The following NACA variants were observed in gnomAD, a reference collection of about 807,000 sequenced individuals.
The protein encoded by NACA is nascent polypeptide associated complex subunit alpha.
Under a neutral mutation model 86.4 loss-of-function variants are expected in NACA, and 42 were observed. That is an observed-to-expected ratio of 0.49 (90% CI 0.38 to 0.63). The LOEUF (loss-of-function observed/expected upper bound fraction) is 0.63, where lower values mean the gene tolerates loss of function less well. NACA is among the 20% of genes least tolerant of loss of function. The pLI is 0.00. For missense variants in NACA, 2,157 were observed against 2,483.6 expected (o/e 0.87, Z 2.80); for synonymous variants, 898 against 973.7 (o/e 0.92, Z 1.45).
Position 56,713,478 on chromosome 12 carries a change from A to G in NACA, c.5970+59T>C, listed in dbSNP as rs989695796. ...AGAGAACTATCTGACGCAAAATGTC[A>G]GCAGTGCTGAGGTTGAGAAACCCTG... is the stretch of plus-strand genomic sequence containing the variant. On this transcript the variant is annotated intron_variant, in intron 6 of 8. Coordinates refer to ENST00000454682, the MANE Select transcript of NACA (RefSeq NM_001365896.1). 2.7e-5 allele frequency: 42 copies of G among 1,572,626 alleles called. No individual in the cohort carries two copies. In the Admixed American group the frequency reaches 3.6e-4, roughly 13 times the overall value.
chr12:56,724,481 T>C lies in NACA; in HGVS notation c.41A>G (p.Gln14Arg). ...EATETVPATE[Q>R]ELPQPQAETA... The stretch of plus-strand genomic sequence containing the variant: ...CTCAGCCTGGGGCTGCGGCAACTCC[T>C]GCTCTGTAGCAGGGACGGTTTCTGT... The change falls in exon 2 of 9, where the codon CAG (glutamine) becomes CGG (arginine). Residue 14 changes from glutamine (Q) to arginine (R), a missense_variant. Around this residue, in one of 8 missense-constraint regions of NACA, gnomAD observed 947 missense variants for 917.9 expected, o/e 1.03. Transcript: ENST00000454682. 1 of 1,612,868 alleles carries C rather than the reference T, an allele frequency of 6.2e-7. No homozygotes were observed. Among genetic ancestry groups the C allele is most frequent in the Non-Finnish European group, 8.5e-7 (1 of 1,179,532 alleles).
At position 56,719,228 on chromosome 12, in the gene NACA, T is replaced by C; in HGVS notation, c.2302A>G (p.Lys768Glu). Reference sequence around the variant, plus strand: ...CCAGAGTCCTCAGTTGGGCACTCTTTGGGAGAGGAAGCAACAGGTGCCAAT... The same window carrying C: ...CCAGAGTCCTCAGTTGGGCACTCTTCGGGAGAGGAAGCAACAGGTGCCAAT... ...SALAPVASSP[K>E]ECPTEDSGAS... Residue 768 changes from lysine to glutamate, a missense_variant, in exon 3 of 9, where the codon AAA becomes GAA. Around this residue, in one of 8 missense-constraint regions of NACA, gnomAD observed 947 missense variants for 917.9 expected, o/e 1.03. Transcript: ENST00000454682. 1 of 1,508,292 alleles carries C rather than the reference T, an allele frequency of 6.6e-7. No individual in the cohort carries two copies. The highest frequency in any genetic ancestry group is 1.1e-5 in the South Asian group (1 of 89,142). The allele number at this position is 1,508,292 out of a possible 1,614,324, so 93.4% of individuals were successfully genotyped here. A position where few individuals can be genotyped will look rare whatever the true frequency, so the allele number is the denominator to read the frequency against.
chr12:56,716,566 G>A lies in NACA; in HGVS notation c.4964C>T (p.Ala1655Val). ...SSLKDSPTSP[A>V]SVTCKMGATV... ...GGCCCCCATTTTACATGTGACAGAA[G>A]CTGGGGAAGTAGGGGAGTCTTTGAG... The change falls in exon 3 of 9, where the codon GCT becomes GTT. Residue 1655 changes from alanine (A) to valine (V), a missense_variant. Physicochemically the swap from Ala to Val is moderately conservative, Grantham distance 64. Coordinates refer to ENST00000454682, the MANE Select transcript of NACA (RefSeq NM_001365896.1). 1 of 1,459,900 alleles carries A rather than the reference G, an allele frequency of 6.8e-7. No homozygotes were observed. 90.4% of individuals were successfully genotyped at this position (1,459,900 alleles called of 1,614,324 possible).
chr12:56,716,760 G>GT lies in NACA; in HGVS notation c.4769dup (p.Tyr1590Ter). 1 of 1,376,692 alleles carries GT rather than the reference G, an allele frequency of 7.3e-7. No homozygotes were observed. Among genetic ancestry groups the GT allele is most frequent in the Non-Finnish European group, 9.6e-7 (1 of 1,042,852 alleles). 85.3% of individuals were successfully genotyped at this position (1,376,692 alleles called of 1,614,324 possible). Residue 1590 changes from tyrosine (Y) to a stop codon, truncating the protein, a stop_gained and frameshift_variant, in exon 3 of 9, where the codon TAC becomes TAAC. Transcript: ENST00000454682. LOFTEE classifies it high-confidence loss of function. ...SSPPAVTPSTYKGAPSPKELL... is the reference protein window; with the variant it reads ...SSPPAVTPST ...GCTCTTTGGGGGATGGGGCCCCTTT[G>GT]TAAGTGGAAGGAGTCACTGCTGGGG...
At position 56,720,903 on chromosome 12, in the gene NACA, G is replaced by A; in HGVS notation, c.627C>T (p.Val209=). Residue 209 remains valine (V), a synonymous_variant, in exon 3 of 9, where the codon GTC becomes GTT. Transcript: ENST00000454682. The part of the protein sequence containing the change: ...PKGTPSPPCI[V]STVPYHCVTP... Reference sequence around the variant, plus strand: ...TCACACAGTGGTAAGGAACAGTACTGACTATACATGGAGGGCTGGGGGTGC... The same window carrying A: ...TCACACAGTGGTAAGGAACAGTACTAACTATACATGGAGGGCTGGGGGTGC... 1 of 1,613,956 alleles carries A rather than the reference G, an allele frequency of 6.2e-7. No homozygotes were observed. Among genetic ancestry groups the A allele is most frequent in the Non-Finnish European group, 8.5e-7 (1 of 1,179,852 alleles).
Position 56,721,257 on chromosome 12 carries a change from T to C in NACA, c.273A>G (p.Leu91=), listed in dbSNP as rs1592322009. Residue 91 remains leucine, a synonymous_variant, in exon 3 of 9, where the codon CTA becomes CTG. Transcript: ENST00000454682. ...GGGCTTCAGGGGCAGTTCCCAAAGG[T>C]AGGGCTGTTCCAGAGGATGACTGGG... ...PFPQSSSGTA[L]PLGTAPEAPT... The C allele has an allele frequency of 1.9e-6, 3 of 1,612,788 alleles. No homozygotes were observed. The highest frequency in any genetic ancestry group is 1.7e-6 in the Non-Finnish European group (2 of 1,179,542).
intron 1 of NACA, chr12:56,724,756 T>C: frequency 1.9e-6 from 1 of 519,578 alleles, no homozygotes; most frequent in Non-Finnish European, 3.4e-6. Flanking sequence ...AGGGAGAGGA[T>C]CCCGGGCTGG....
intron 5 of NACA, 73 bp from the exon 6 acceptor site, chr12:56,713,756 A>C: frequency 1.4e-6 from 2 of 1,447,918 alleles, no homozygotes; most frequent in Non-Finnish European, 9.5e-7. Flanking sequence ...AACATAATAC[A>C]ACATCCAAAG....
chr12:56,724,495 G>A lies in NACA; in HGVS notation c.27C>T (p.Val9=), dbSNP rs775527927. MPGEATET[V]PATEQELPQP... ...GCGGCAACTCCTGCTCTGTAGCAGG[G>A]ACGGTTTCTGTGGCTTCGCCGGGCA... The change falls in exon 2 of 9, where the codon GTC becomes GTT. Residue 9 remains valine, a synonymous_variant. Coordinates refer to ENST00000454682, the MANE Select transcript of NACA (RefSeq NM_001365896.1). 2.0e-5 allele frequency: 32 copies of A among 1,612,720 alleles called. No homozygotes were observed. In the African/African-American group the frequency reaches 3.9e-4, roughly 20 times the overall value.
At position 56,712,771 on chromosome 12, in the gene NACA, G is replaced by T; in HGVS notation, c.6222+15C>A. 6.2e-7 allele frequency: 1 copy of T among 1,614,126 alleles called. No homozygotes were observed. The highest frequency in any genetic ancestry group is 2.2e-5 in the East Asian group (1 of 44,884). ...AGGGCAGAGGGAGTCAAGGAACAAA[G>T]GCTTGAACACTTACCATAATCGCAT... On this transcript the variant is annotated intron_variant, in intron 8 of 8. Transcript: ENST00000454682.
Position 56,719,113 on chromosome 12 carries a change from T to C in NACA, c.2417A>G (p.Lys806Arg), listed in dbSNP as rs766334507. The stretch of plus-strand genomic sequence containing the variant: ...AGAACCCTTCTTGGTTGGAGGTCTT[T>C]TAGTCTGAGGAGACACACTAACCCC... ...PLGVSVSPQT[K>R]RPPTKKGSAG... Residue 806 changes from lysine to arginine, a missense_variant, in exon 3 of 9, where the codon AAA becomes AGA. By Grantham distance (26) the Lys-to-Arg change is conservative (BLOSUM62 2). Around this residue, in one of 8 missense-constraint regions of NACA, gnomAD observed 174 missense variants for 217.0 expected, o/e 0.80. Coordinates refer to ENST00000454682, the MANE Select transcript of NACA (RefSeq NM_001365896.1). 2 of 1,454,286 alleles carry C rather than the reference T, an allele frequency of 1.4e-6. No individual in the cohort carries two copies. The highest frequency in any genetic ancestry group is 6.0e-5 in the East Asian group (2 of 33,544). 90.1% of individuals were successfully genotyped at this position (1,454,286 alleles called of 1,614,324 possible). A position where few individuals can be genotyped will look rare whatever the true frequency, so the allele number is the denominator to read the frequency against.
chr12:56,713,404 G>C, intron 6 of NACA, 133 bp downstream of exon 6: 1 of 1,308,950 alleles, frequency 7.6e-7, no homozygotes, highest in Non-Finnish European at 1.0e-6. Flanking sequence ...TATGGCAATG[G>C]AGTTTTTGGG....
Position 56,717,317 on chromosome 12 carries a change from G to A in NACA, c.4213C>T (p.Pro1405Ser), listed in dbSNP as rs751593175. 9 of 1,359,904 alleles carry A rather than the reference G, an allele frequency of 6.6e-6. No homozygotes were observed. Among genetic ancestry groups the A allele is most frequent in the Admixed American group, 2.5e-5 (1 of 40,106 alleles). 84.2% of individuals were successfully genotyped at this position (1,359,904 alleles called of 1,614,324 possible). ...TTGGGGGAGAGAGGAATCACTGCTG[G>A]GGAAGTGGGGTCCCCTTTGGGAGAT... is the stretch of plus-strand genomic sequence containing the variant. ...IPSPKGDPTSPAVIPLSPKKA... is the reference protein window; with the variant it reads ...IPSPKGDPTSSAVIPLSPKKA... The change falls in exon 3 of 9, where the codon CCA becomes TCA. Residue 1405 changes from proline to serine, a missense_variant. By Grantham distance (74) the Pro-to-Ser change is moderately conservative. This residue lies in a region of NACA where 797 missense variants were observed against 777.6 expected (regional missense o/e 1.02). Transcript: ENST00000454682.
In NACA at chr12:56,716,517, C is replaced by A; in HGVS notation, c.5013G>T (p.Gly1671=). The A allele has an allele frequency of 6.7e-7, 1 of 1,493,818 alleles. No individual in the cohort carries two copies. The highest frequency in any genetic ancestry group is 9.1e-7 in the Non-Finnish European group (1 of 1,103,232). 92.5% of individuals were successfully genotyped at this position (1,493,818 alleles called of 1,614,324 possible). A position where few individuals can be genotyped will look rare whatever the true frequency, so the allele number is the denominator to read the frequency against. ...CTGTGGGGCCTTTCTTTGCTGGAAG[C>A]CCTTTAGATGCTTGAGGAACAGTGG... The part of the protein sequence containing the change: ...MGATVPQASK[G]LPAKKGPTAL... Residue 1671 remains glycine (G), a synonymous_variant, in exon 3 of 9, where the codon GGG becomes GGT. Coordinates refer to ENST00000454682, the MANE Select transcript of NACA (RefSeq NM_001365896.1).
chr12:56,719,960 C>A lies in NACA; in HGVS notation c.1570G>T (p.Val524Phe), dbSNP rs1338821776. The change falls in exon 3 of 9, where the codon GTT (valine) becomes TTT (phenylalanine). Residue 524 changes from valine to phenylalanine, a missense_variant. Around this residue, in one of 8 missense-constraint regions of NACA, gnomAD observed 947 missense variants for 917.9 expected, o/e 1.03. Coordinates refer to ENST00000454682, the MANE Select transcript of NACA (RefSeq NM_001365896.1). ...DLKNLPSSVL[V>F]KFPTQKDLQT... is the part of the protein sequence containing the mutation. ...AGGTCTTTTTGTGTTGGAAATTTAA[C>A]CAATACTGAACTGGGGAGATTTTTG... The A allele has an allele frequency of 6.2e-7, 1 of 1,613,548 alleles. No homozygotes were observed. The highest frequency in any genetic ancestry group is 8.5e-7 in the Non-Finnish European group (1 of 1,179,826).
chr12:56,713,970 T>A (rs1953282376), intron 5 of NACA: 1 of 411,498 alleles, frequency 2.4e-6, no homozygotes. Flanking sequence ...GCCACCTTAG[T>A]AGCTGGGATT....
rs1488157778 is a variant in NACA at position 56,716,755 on chromosome 12, C to T, written c.4775G>A (p.Gly1592Glu). 3 of 1,373,564 alleles carry T rather than the reference C, an allele frequency of 2.2e-6. No homozygotes were observed. The highest frequency in any genetic ancestry group is 1.9e-6 in the Non-Finnish European group (2 of 1,041,908). The allele number at this position is 1,373,564 out of a possible 1,614,324, so 85.1% of individuals were successfully genotyped here. A position where few individuals can be genotyped will look rare whatever the true frequency, so the allele number is the denominator to read the frequency against. ...PPAVTPSTYK[G>E]APSPKELLIP... Reference sequence around the variant, plus strand: ...GAGGAGCTCTTTGGGGGATGGGGCCCCTTTGTAAGTGGAAGGAGTCACTGC... The same window carrying T: ...GAGGAGCTCTTTGGGGGATGGGGCCTCTTTGTAAGTGGAAGGAGTCACTGC... Residue 1592 changes from glycine (G) to glutamate (E), a missense_variant, in exon 3 of 9, where the codon GGG (glycine) becomes GAG (glutamate). By Grantham distance (98) the Gly-to-Glu change is moderately conservative (BLOSUM62 -2). Around this residue, in one of 8 missense-constraint regions of NACA, gnomAD observed 797 missense variants for 777.6 expected, o/e 1.02. Coordinates refer to ENST00000454682, the MANE Select transcript of NACA (RefSeq NM_001365896.1).
chr12:56,717,557 C>G lies in NACA; in HGVS notation c.3973G>C (p.Gly1325Arg), dbSNP rs754738427. The change falls in exon 3 of 9, where the codon GGT becomes CGT. Residue 1325 changes from glycine to arginine, a missense_variant. By Grantham distance (125) the Gly-to-Arg change is moderately radical (BLOSUM62 -2). Around this residue, in one of 8 missense-constraint regions of NACA, gnomAD observed 797 missense variants for 777.6 expected, o/e 1.02. Transcript: ENST00000454682. ...ATPPSPKGSPGTPPPKGAPTP... is the reference protein window; with the variant it reads ...ATPPSPKGSPRTPPPKGAPTP... ...GGGGCCCCTTTGGGGGGTGGGGTAC[C>G]TGGGCTTCCTTTTGGGGAGGGAGGA... is the stretch of plus-strand genomic sequence containing the variant. The G allele has an allele frequency of 4.0e-6, 5 of 1,258,782 alleles. No homozygotes were observed. The South Asian group carries it at 8.7e-5, about 22-fold the overall frequency. 78.0% of individuals were successfully genotyped at this position (1,258,782 alleles called of 1,614,324 possible).
chr12:56,716,399 C>G lies in NACA; in HGVS notation c.5131G>C (p.Ala1711Pro). 6.2e-7 allele frequency: 1 copy of G among 1,606,106 alleles called. No individual in the cohort carries two copies. Among genetic ancestry groups the G allele is most frequent in the Admixed American group, 1.7e-5 (1 of 59,710 alleles). The change falls in exon 3 of 9, where the codon GCT (alanine) becomes CCT (proline). Residue 1711 changes from alanine (A) to proline (P), a missense_variant. Ala to Pro is a conservative substitution (Grantham distance 27, BLOSUM62 -1). Transcript: ENST00000454682. ...TCTGGGCATATAGGAGGTGAAGTAG[C>G]AGAACTCTTTTTGGTCTGTGGACCT... ...RKGPQTKKSSATSPPICPDPS... is the reference protein window; with the variant it reads ...RKGPQTKKSSPTSPPICPDPS...
Sources: gnomAD v4.1 joint callset for allele counts on GRCh38, gnomAD v4.1.1 for gene constraint, gnomAD v4.1.1 regional missense constraint, MANE v1.5 for transcripts, NCBI Gene and HGNC (gene_info 2026-07-23, HGNC 2026-07-21) for gene names.